Variants in TNFSF4 observed in about 807,000 individuals in gnomAD.
TNFSF4 encodes the protein TNF superfamily member 4, also known as tumor necrosis factor ligand superfamily member 4.
A neutral mutation model predicts 7.3 loss-of-function variants in TNFSF4; 4 were observed. The ratio of observed to expected loss-of-function variants is 0.55; its 90% CI spans 0.27 to 1.25. The LOEUF (loss-of-function observed/expected upper bound fraction) is 1.25. Ranked by LOEUF, TNFSF4 falls within the 50% of genes most tolerant of loss-of-function variation. The pLI, the probability that TNFSF4 is intolerant of heterozygous loss-of-function variation, is 0.12. For synonymous variants in TNFSF4, 76 were observed against 83.7 expected, an observed-to-expected ratio of 0.91 and a Z score of 0.50; for missense variants, 181 against 208.8, an observed-to-expected ratio of 0.87 and a Z score of 0.82.
At chr1:173,340,100 A>G in the TNFSF4 span, among the ~76,000 whole-genome samples, 1 of 152,188 alleles carries the variant, frequency 6.6e-6, no homozygotes, top group African/African-American at 2.4e-5. Flanking sequence ...TGCAAGTAAA[A>G]GGGAATTCCT....
chr1:173,354,650 G>A, the TNFSF4 span, among the ~76,000 whole-genome samples: 2 of 151,780 alleles, frequency 1.3e-5, no homozygotes, highest in East Asian at 3.9e-4. Context: ...AGTTGGCAGA[G>A]GTAAACTAAC....
upstream of TNFSF4, among the ~76,000 whole-genome samples, chr1:173,210,353 G>A (rs978819722): frequency 6.6e-6 from 1 of 152,164 alleles, no homozygotes; most frequent in Non-Finnish European, 1.5e-5. Flanking sequence ...AATTAGGACA[G>A]GAACAGCTTC....
chr1:173,287,337 A>T, the TNFSF4 span, among the ~76,000 whole-genome samples: 1 of 152,174 alleles, frequency 6.6e-6, no homozygotes, highest in Non-Finnish European at 1.5e-5. Flanking sequence ...CCTGACTCAA[A>T]AATAAAATAA....
At chr1:173,413,876 T>C in the TNFSF4 span, among the ~76,000 whole-genome samples, 1 of 152,196 alleles carries the variant, frequency 6.6e-6, no homozygotes, top group East Asian at 1.9e-4. Context: ...TTCCCCCTTT[T>C]AGTTTATACA....
At chr1:173,305,688 T>C in the TNFSF4 span, among the ~76,000 whole-genome samples, 1 of 150,954 alleles carries the variant, frequency 6.6e-6, no homozygotes, top group Non-Finnish European at 1.5e-5. Context: ...GACTGGGTAA[T>C]TTATTAAAAA....
the TNFSF4 span, among the ~76,000 whole-genome samples, chr1:173,433,846 A>T: frequency 2.0e-5 from 3 of 152,226 alleles, no homozygotes; most frequent in Non-Finnish European, 4.4e-5. Context: ...CCTTATTTGG[A>T]AATAGGGTTG....
At chr1:173,318,300 C>G in the TNFSF4 span, among the ~76,000 whole-genome samples, 1 of 141,732 alleles carries the variant, frequency 7.1e-6, no homozygotes, top group South Asian at 2.1e-4. Flanking sequence ...GTTAGCCGGA[C>G]GTGGTGGCAG....
the TNFSF4 span, among the ~76,000 whole-genome samples, chr1:173,246,683 A>G: frequency 6.6e-6 from 1 of 152,262 alleles, no homozygotes; most frequent in Non-Finnish European, 1.5e-5. Flanking sequence ...ATTAGCACAC[A>G]TACTAAAGTA....
At chr1:173,422,467 G>A in the TNFSF4 span, among the ~76,000 whole-genome samples, 3 of 152,056 alleles carry the variant, frequency 2.0e-5, no homozygotes, top group Non-Finnish European at 4.4e-5. Flanking sequence ...TTGTAGTATG[G>A]TGTGATAACT....
At chr1:173,448,308 CT>C in the TNFSF4 span, among the ~76,000 whole-genome samples, 1,169 of 151,722 alleles carry the variant, frequency 7.7e-3, 16 homozygotes, top group African/African-American at 0.027. Flanking sequence ...AGGTAGAAAA[CT>C]TTTTTTTTCA....
At chr1:173,306,361 T>C in the TNFSF4 span, among the ~76,000 whole-genome samples, 1 of 151,946 alleles carries the variant, frequency 6.6e-6, no homozygotes, top group Non-Finnish European at 1.5e-5. Flanking sequence ...GGTAATCATA[T>C]TAATCTCTAG....
At chr1:173,407,627 T>C in the TNFSF4 span, among the ~76,000 whole-genome samples, 1 of 151,130 alleles carries the variant, frequency 6.6e-6, no homozygotes, top group Non-Finnish European at 1.5e-5. Context: ...TCTGTGCTGC[T>C]GTAGATTAAA....
the TNFSF4 span, among the ~76,000 whole-genome samples, chr1:173,323,909 G>A: frequency 6.6e-6 from 1 of 152,172 alleles, no homozygotes; most frequent in African/African-American, 2.4e-5. Context: ...AAGTGACAGG[G>A]AGAATGCAAC....
the TNFSF4 span, among the ~76,000 whole-genome samples, chr1:173,382,749 T>C: frequency 6.6e-6 from 1 of 152,112 alleles, no homozygotes; most frequent in Admixed American, 6.6e-5. Flanking sequence ...CTGCCTGGAC[T>C]ATGTCATATC....
chr1:173,370,800 G>T, the TNFSF4 span, among the ~76,000 whole-genome samples: 1 of 151,466 alleles, frequency 6.6e-6, no homozygotes, highest in Non-Finnish European at 1.5e-5. Flanking sequence ...CTTAGTCATG[G>T]CCCTTAGTCA....
At chr1:173,362,851 C>T in the TNFSF4 span, 1 of 449,026 alleles carries the variant, frequency 2.2e-6, no homozygotes, top group South Asian at 2.0e-5. Context: ...TTGGCTGCCA[C>T]AGCATGGCTA....
At chr1:173,346,953 T>A in the TNFSF4 span, among the ~76,000 whole-genome samples, 9 of 152,354 alleles carry the variant, frequency 5.9e-5, no homozygotes, top group South Asian at 1.7e-3. Context: ...ATAACTAGTA[T>A]TCAAGTAAGA....
At chr1:173,409,121 T>C in the TNFSF4 span, among the ~76,000 whole-genome samples, 3 of 152,068 alleles carry the variant, frequency 2.0e-5, no homozygotes, top group African/African-American at 7.2e-5. Context: ...ATGAAAAGCA[T>C]TACCTAAATC....
the TNFSF4 span, among the ~76,000 whole-genome samples, chr1:173,221,179 G>T: frequency 2.0e-5 from 3 of 152,200 alleles, no homozygotes; most frequent in African/African-American, 4.8e-5. Flanking sequence ...CAGGTGTGAG[G>T]ACAACTAAGT....
Sources: allele counts gnomAD v4.1 joint callset (sites outside exome capture counted in the v4.1 genomes callset), GRCh38; gene constraint gnomAD v4.1.1; transcripts MANE v1.5; gene names NCBI Gene and HGNC (gene_info 2026-07-23, HGNC 2026-07-21).